OPCML: variants seen among roughly 807,000 people sequenced by gnomAD.
The protein encoded by OPCML is opioid binding protein/cell adhesion molecule like, also known as opioid-binding protein/cell adhesion molecule.
In OPCML, 13 loss-of-function variants were observed where a neutral mutation model predicts 37.8. The observed-to-expected ratio is 0.34, with a 90% CI of 0.22 to 0.55. OPCML has a LOEUF of 0.55. Among genes scored for constraint, OPCML ranks in the 20% least tolerant of loss-of-function variants. OPCML has a pLI of 0.91. For synonymous variants in OPCML, 176 were observed against 168.8 expected, an observed-to-expected ratio of 1.04 and a Z score of -0.33; for missense variants, 341 against 435.6, an observed-to-expected ratio of 0.78 and a Z score of 1.93.
intron 2 of OPCML, among the ~76,000 whole-genome samples, chr11:132,894,785 GGC>G (rs1943773607): frequency 6.6e-6 from 1 of 152,124 alleles, no homozygotes; most frequent in African/African-American, 2.4e-5. Flanking sequence ...CAGGCTCGCT[GGC>G]CTTTGGACTC....
At chr11:133,513,896 T>G (rs188618305) in intron 1 of OPCML, among the ~76,000 whole-genome samples, 4 of 152,302 alleles carry the variant, frequency 2.6e-5, no homozygotes. Context: ...CTAAAATTGT[T>G]GTTGTCAGGA....
intron 1 of OPCML, among the ~76,000 whole-genome samples, chr11:133,140,513 A>AAAT (rs377272496): frequency 0.069 from 6,592 of 95,678 alleles, 313 homozygotes; most frequent in Non-Finnish European, 0.087. Flanking sequence ...CTCTGTCTCA[A>AAAT]AATAATAATA....
intron 1 of OPCML, among the ~76,000 whole-genome samples, chr11:133,485,401 A>C (rs1025075171): frequency 2.6e-5 from 4 of 152,182 alleles, no homozygotes; most frequent in African/African-American, 9.6e-5. Context: ...ATGAACAGGG[A>C]AGTCACCCAT....
rs181950086 is a variant in OPCML, at chr11:133,225,673, T to A, written c.62-282663A>T. Among the ~76,000 whole-genome samples the A allele has an allele frequency of 6.6e-4, 100 of 152,254 alleles. 1 individual carries two copies. Among genetic ancestry groups the A allele is most frequent in the Non-Finnish European group, 1.2e-3 (79 of 68,022 alleles). ...ACAAAACAAAAGAAAAACTGAGGCC[T>A]ACAGAGAGCCCAGGACTTATCCGCA... On this transcript the variant is annotated intron_variant, in intron 1 of 7. Coordinates refer to ENST00000524381, the MANE Select transcript of OPCML (RefSeq NM_001012393.5).
chr11:132,783,311 C>A (rs1034342125), intron 2 of OPCML, among the ~76,000 whole-genome samples: 2 of 152,070 alleles, frequency 1.3e-5, no homozygotes, highest in African/African-American at 2.4e-5. Flanking sequence ...TTCCATGTGA[C>A]GTGCCCTTTA....
intron 3 of OPCML, among the ~76,000 whole-genome samples, chr11:132,572,198 A>G (rs868003108): frequency 1.3e-5 from 2 of 151,616 alleles, no homozygotes; most frequent in Non-Finnish European, 2.9e-5. Context: ...ATGGTTGCAG[A>G]TATTTTCTCT....
At chr11:132,454,541 C>T (rs1461620312) in intron 4 of OPCML, among the ~76,000 whole-genome samples, 1 of 152,224 alleles carries the variant, frequency 6.6e-6, no homozygotes, top group East Asian at 1.9e-4. Flanking sequence ...ACACACTGCT[C>T]ACTGCGACAG....
chr11:132,436,692 A>G lies in OPCML; in HGVS notation c.731T>C (p.Met244Thr), dbSNP rs755175009. ...ILSCEASAVPMAEFQWFKEET... is the reference protein window; with the variant it reads ...ILSCEASAVPTAEFQWFKEET... ...TTCCTTGAACCACTGGAATTCAGCC[A>G]TGGGGACTGCAGAGGCTTCACAGCT... is the stretch of plus-strand genomic sequence containing the variant. Residue 244 changes from methionine to threonine, a missense_variant, in exon 6 of 8, where the codon ATG (methionine) becomes ACG (threonine). Physicochemically the swap from Met to Thr is moderately conservative, Grantham distance 81. Transcript: ENST00000524381. 3.1e-6 allele frequency: 5 copies of G among 1,614,062 alleles called. No individual in the cohort carries two copies. The highest frequency in any genetic ancestry group is 4.5e-5 in the East Asian group (2 of 44,878).
intron 1 of OPCML, among the ~76,000 whole-genome samples, chr11:133,400,549 G>A (rs1945380238): frequency 6.6e-6 from 1 of 152,182 alleles, no homozygotes; most frequent in Admixed American, 6.5e-5. Flanking sequence ...GAGGTAGATG[G>A]TGATAATGGT....
intron 2 of OPCML, among the ~76,000 whole-genome samples, chr11:132,757,165 G>T (rs1946081992): frequency 6.6e-6 from 1 of 151,856 alleles, no homozygotes; most frequent in African/African-American, 2.4e-5. Context: ...ATTCCATGGT[G>T]CATATGTGCC....
At chr11:132,860,137 G>A (rs1448216889) in intron 2 of OPCML, 1 of 152,244 alleles carries the variant, frequency 6.6e-6, no homozygotes, top group Non-Finnish European at 1.5e-5. Context: ...GCTTATGAGA[G>A]TCAGGTGTAA....
intron 1 of OPCML, chr11:133,422,754 A>G (rs975462742): frequency 1.1e-6 from 1 of 925,654 alleles, no homozygotes; most frequent in Non-Finnish European, 1.3e-6. Flanking sequence ...TTCAAAAATA[A>G]TGTATTAATA....
chr11:132,489,921 A>G (rs917568920), intron 4 of OPCML, among the ~76,000 whole-genome samples: 2 of 151,998 alleles, frequency 1.3e-5, no homozygotes, highest in Admixed American at 1.3e-4. Context: ...GCTCCCATTT[A>G]TGAGTGAGAA....
chr11:132,921,306 A>G (rs529219358), intron 2 of OPCML, among the ~76,000 whole-genome samples: 2 of 152,302 alleles, frequency 1.3e-5, no homozygotes, highest in Admixed American at 1.3e-4. Context: ...AATGCAATGG[A>G]CGTGCGTTCT....
intron 1 of OPCML, among the ~76,000 whole-genome samples, chr11:133,204,813 G>A (rs1478901894): frequency 6.9e-6 from 1 of 144,308 alleles, no homozygotes; most frequent in East Asian, 2.2e-4. Context: ...ATGAGTTCAG[G>A]ATAAGAAAAT....
chr11:132,944,731 G>A (rs553495364), intron 1 of OPCML, among the ~76,000 whole-genome samples: 54 of 152,258 alleles, frequency 3.5e-4, no homozygotes, highest in Non-Finnish European at 6.9e-4. Context: ...TTTGGTCTCG[G>A]ATTTGTCTCT....
chr11:132,451,877 A>G (rs1263874626), intron 4 of OPCML, among the ~76,000 whole-genome samples: 1 of 152,122 alleles, frequency 6.6e-6, no homozygotes, highest in Admixed American at 6.5e-5. Flanking sequence ...GTAACTTTCT[A>G]GGTTTTTTGT....
chr11:132,560,533 A>G (rs2096408294), intron 3 of OPCML, among the ~76,000 whole-genome samples: 1 of 152,114 alleles, frequency 6.6e-6, no homozygotes, highest in Admixed American at 6.6e-5. Context: ...CAAGTCCCCA[A>G]AGTCCATTGT....
At chr11:133,348,017 A>G (rs1018482807) in intron 1 of OPCML, among the ~76,000 whole-genome samples, 1 of 152,162 alleles carries the variant, frequency 6.6e-6, no homozygotes, top group Non-Finnish European at 1.5e-5. Context: ...ACCCTGTTAC[A>G]TCTGACCCTT....
Sources: allele counts gnomAD v4.1 joint callset (sites outside exome capture counted in the v4.1 genomes callset), GRCh38; gene constraint gnomAD v4.1.1; transcripts MANE v1.5; gene names NCBI Gene and HGNC (gene_info 2026-07-23, HGNC 2026-07-21).